MAPK4: variants seen among roughly 807,000 people sequenced by gnomAD.
MAPK4 encodes the protein mitogen-activated protein kinase 4.
MAPK4 carries 22 observed loss-of-function variants against 47.7 expected under a neutral mutation model. The observed-to-expected ratio is 0.46, with a 90% CI of 0.33 to 0.66. The LOEUF is 0.66. MAPK4 is among the 30% of genes least tolerant of loss of function. The pLI is 0.02. For missense variants in MAPK4, 736 were observed against 831.7 expected (o/e 0.88, Z 1.42); for synonymous variants, 390 against 365.7 (o/e 1.07, Z -0.76).
intron 1 of MAPK4, among the ~76,000 whole-genome samples, chr18:50,611,863 G>C (rs1040004403): frequency 6.6e-6 from 1 of 152,140 alleles, no homozygotes; most frequent in Non-Finnish European, 1.5e-5. Flanking sequence ...TCCCTGATCA[G>C]AATACTGACT....
At chr18:50,677,455 G>T (rs539185482) in intron 2 of MAPK4, among the ~76,000 whole-genome samples, 2 of 152,320 alleles carry the variant, frequency 1.3e-5, no homozygotes, top group South Asian at 4.1e-4. Context: ...GTTACTGAAA[G>T]AAAAGGGTCA....
At chr18:50,588,795 A>T (rs186026534) in intron 1 of MAPK4, among the ~76,000 whole-genome samples, 2 of 152,098 alleles carry the variant, frequency 1.3e-5, no homozygotes, top group African/African-American at 4.8e-5. Context: ...GGCTCAGGAG[A>T]TCCACCTGCT....
chr18:50,634,038 C>T (rs1337132053), intron 1 of MAPK4, among the ~76,000 whole-genome samples: 1 of 152,086 alleles, frequency 6.6e-6, no homozygotes, highest in Non-Finnish European at 1.5e-5. Context: ...GGTTGAAATT[C>T]AGAATTTGTT....
chr18:50,708,641 C>A (rs1034787451), intron 2 of MAPK4, among the ~76,000 whole-genome samples: 1 of 152,194 alleles, frequency 6.6e-6, no homozygotes, highest in Non-Finnish European at 1.5e-5. Flanking sequence ...CATCTCTCCA[C>A]GAGACTGTCT....
intron 1 of MAPK4, among the ~76,000 whole-genome samples, chr18:50,604,906 T>C (rs2042569775): frequency 6.6e-6 from 1 of 152,218 alleles, no homozygotes; most frequent in African/African-American, 2.4e-5. Context: ...CATCAACAGC[T>C]AAGGGATTTG....
chr18:50,623,903 C>T (rs760051193), intron 1 of MAPK4, among the ~76,000 whole-genome samples: 2 of 152,242 alleles, frequency 1.3e-5, no homozygotes, highest in Non-Finnish European at 2.9e-5. Flanking sequence ...TGTTCTGCCC[C>T]AGGGCCTTTG....
intron 1 of MAPK4, among the ~76,000 whole-genome samples, chr18:50,636,864 C>T (rs948059687): frequency 1.8e-4 from 27 of 152,262 alleles, no homozygotes; most frequent in African/African-American, 6.0e-4. Flanking sequence ...TGTGGTCTCA[C>T]GGTAATCTCA....
chr18:50,717,818 C>T (rs1488627075), intron 3 of MAPK4, among the ~76,000 whole-genome samples: 2 of 152,190 alleles, frequency 1.3e-5, no homozygotes, highest in Admixed American at 1.3e-4. Flanking sequence ...TAATAATTAG[C>T]TCATGGGCAC....
Position 50,664,460 on chromosome 18 carries a change from G to A in MAPK4, c.502G>A (p.Asp168Asn). Reference sequence around the variant, plus strand: ...AGAGGACCTCGTGCTCAAGATTGGGGATTTCGGGTTGGCAAGGATCGTTGA... The same window carrying A: ...AGAGGACCTCGTGCTCAAGATTGGGAATTTCGGGTTGGCAAGGATCGTTGA... Reference protein sequence around the residue: ...STEDLVLKIGDFGLARIVDQH... With the variant: ...STEDLVLKIGNFGLARIVDQH... Residue 168 changes from aspartate (D) to asparagine (N), a missense_variant, in exon 2 of 6, where the codon GAT becomes AAT. By Grantham distance (23) the Asp-to-Asn change is conservative (BLOSUM62 1). Transcript: ENST00000400384. This position sits in a 1 kb window ranked among gnomAD's most constrained non-coding sequence, Gnocchi z 6.0. 6.2e-7 allele frequency: 1 copy of A among 1,611,224 alleles called. No homozygotes were observed. Among genetic ancestry groups the A allele is most frequent in the Non-Finnish European group, 8.5e-7 (1 of 1,178,026 alleles).
chr18:50,727,552 G>A (rs190948722), intron 5 of MAPK4, among the ~76,000 whole-genome samples: 19 of 152,334 alleles, frequency 1.2e-4, no homozygotes, highest in Admixed American at 1.1e-3. Flanking sequence ...GCCCTTGACT[G>A]TGGTTCCTGC....
chr18:50,663,963 C>A lies in MAPK4; in HGVS notation c.5C>A (p.Ala2Asp), dbSNP rs1907429857. ...CTCCAGATCACTGAGCCCACAATGG[C>A]TGAGAAGGGTGACTGCATCGCCAGT... is the stretch of plus-strand genomic sequence containing the variant. The part of the protein sequence containing the change: M[A>D]EKGDCIASVY... Residue 2 changes from alanine to aspartate, a missense_variant, in exon 2 of 6, where the codon GCT (alanine) becomes GAT (aspartate). Transcript: ENST00000400384. The A allele has an allele frequency of 6.8e-6, 11 of 1,609,396 alleles. No homozygotes were observed. Among genetic ancestry groups the A allele is most frequent in the Non-Finnish European group, 9.3e-6 (11 of 1,177,064 alleles).
intron 1 of MAPK4, among the ~76,000 whole-genome samples, chr18:50,612,177 G>A (rs1037005830): frequency 6.6e-6 from 1 of 152,182 alleles, no homozygotes; most frequent in Non-Finnish European, 1.5e-5. Context: ...ACTCATTTAT[G>A]TCTGGATCTT....
chr18:50,669,706 G>A (rs866937142), intron 2 of MAPK4: 2 of 152,252 alleles, frequency 1.3e-5, no homozygotes, highest in Non-Finnish European at 2.9e-5. Flanking sequence ...CGGGTCTATC[G>A]TTCTTGCAGC....
At chr18:50,571,295 A>G (rs1598782485) in intron 1 of MAPK4, among the ~76,000 whole-genome samples, 1 of 152,202 alleles carries the variant, frequency 6.6e-6, no homozygotes, top group Non-Finnish European at 1.5e-5. Context: ...CTCCAATTCG[A>G]TTTCAGTAAC....
chr18:50,686,110 C>A (rs1908868544), intron 2 of MAPK4, among the ~76,000 whole-genome samples: 1 of 152,056 alleles, frequency 6.6e-6, no homozygotes, highest in Non-Finnish European at 1.5e-5. Flanking sequence ...CAAAAATAAG[C>A]CTCGTTAGGA....
intron 2 of MAPK4, among the ~76,000 whole-genome samples, chr18:50,709,327 C>T (rs1440953046): frequency 6.6e-6 from 1 of 152,170 alleles, no homozygotes; most frequent in Non-Finnish European, 1.5e-5. Context: ...TCCATTAATC[C>T]CCTGCTCTCC....
chr18:50,713,564 C>T (rs1910485798), intron 2 of MAPK4, among the ~76,000 whole-genome samples: 1 of 152,112 alleles, frequency 6.6e-6, no homozygotes, highest in African/African-American at 2.4e-5. Context: ...GGGCTATGCG[C>T]AGTAGCTGCA....
rs1458839948 is a variant in MAPK4 at position 50,731,352 on chromosome 18, CCTT to C, written c.*1501_*1503del. The C allele has an allele frequency of 6.6e-6, 1 of 152,284 alleles. No individual in the cohort carries two copies. The highest frequency in any genetic ancestry group is 1.5e-5 in the Non-Finnish European group (1 of 68,100). The allele number at this position is 152,284 out of a possible 1,614,324, so 9.4% of individuals were successfully genotyped here. A position where few individuals can be genotyped will look rare whatever the true frequency, so the allele number is the denominator to read the frequency against. ...CCATTTCTGCCACTGGTGTTCAGCT[CCTT>C]CTCTTCCCCCAACACTCCCAAAGAT... is the stretch of plus-strand genomic sequence containing the variant. On this transcript the variant is annotated 3_prime_UTR_variant, in exon 6 of 6. Transcript: ENST00000400384.
chr18:50,619,776 C>T (rs1189338380), intron 1 of MAPK4, among the ~76,000 whole-genome samples: 1 of 152,248 alleles, frequency 6.6e-6, no homozygotes, highest in Non-Finnish European at 1.5e-5. Context: ...AATGCTAAAC[C>T]TCCTTTTAAC....
Sources: gnomAD v4.1 joint callset for allele counts (sites outside exome capture counted in the v4.1 genomes callset) on GRCh38, gnomAD v4.1.1 for gene constraint, Gnocchi (gnomAD v3.1) non-coding constraint, MANE v1.5 for transcripts, NCBI Gene and HGNC (gene_info 2026-07-23, HGNC 2026-07-21) for gene names.